Variants in CFAP299 observed in about 807,000 individuals in gnomAD.
CFAP299 encodes the protein cilia- and flagella-associated protein 299.
A neutral mutation model predicts 27.0 loss-of-function variants in CFAP299; 21 were observed. That is an observed-to-expected ratio of 0.78 (90% confidence interval 0.55 to 1.12). CFAP299 has a LOEUF of 1.12. Among genes scored for constraint, CFAP299 ranks in the 50% most tolerant of loss-of-function variants. The pLI, the probability that CFAP299 is intolerant of heterozygous loss-of-function variation, is 0.00. For missense variants in CFAP299, 310 were observed against 276.6 expected (o/e 1.12, Z -0.86); for synonymous variants, 104 against 98.1 (o/e 1.06, Z -0.36).
At chr4:80,495,238 G>A (rs1578514301) in intron 2 of CFAP299, among the ~76,000 whole-genome samples, 1 of 152,052 alleles carries the variant, frequency 6.6e-6, no homozygotes, top group African/African-American at 2.4e-5. Flanking sequence ...TATTGAATTT[G>A]GTTGAAACTC....
At chr4:80,859,593 T>A (rs573194500) in intron 3 of CFAP299, among the ~76,000 whole-genome samples, 1 of 152,298 alleles carries the variant, frequency 6.6e-6, no homozygotes, top group East Asian at 1.9e-4. Context: ...GGAACTCTTT[T>A]AGGGCAGGCC....
intron 3 of CFAP299, among the ~76,000 whole-genome samples, chr4:80,748,044 T>A (rs1412615024): frequency 6.6e-6 from 1 of 152,084 alleles, no homozygotes; most frequent in Non-Finnish European, 1.5e-5. Flanking sequence ...AAAAATGAAC[T>A]CATGAACAAC....
intron 2 of CFAP299, among the ~76,000 whole-genome samples, chr4:80,572,507 GTTTTTTTTT>G (rs550414533): frequency 3.0e-4 from 11 of 36,390 alleles, no homozygotes; most frequent in South Asian, 2.0e-3. Flanking sequence ...CTGGATCCCA[GTTTTTTTTT>G]TTTTTTTTTT....
chr4:80,576,778 G>T (rs541295596), intron 2 of CFAP299, among the ~76,000 whole-genome samples: 3 of 152,198 alleles, frequency 2.0e-5, no homozygotes, highest in East Asian at 1.9e-4. Context: ...GCACAGAGAG[G>T]TTGCATTATA....
the CFAP299 span, among the ~76,000 whole-genome samples, chr4:80,326,867 A>G: frequency 6.6e-6 from 1 of 152,230 alleles, no homozygotes; most frequent in African/African-American, 2.4e-5. Flanking sequence ...AACTTTGGGT[A>G]GTCTTTTAAA....
chr4:80,428,236 CT>C (rs1417914018), intron 2 of CFAP299, among the ~76,000 whole-genome samples: 2 of 152,088 alleles, frequency 1.3e-5, no homozygotes, highest in Admixed American at 1.3e-4. Flanking sequence ...AATGACTGTC[CT>C]TTTGTTTCTA....
At chr4:80,806,220 A>G (rs1009789496) in intron 3 of CFAP299, among the ~76,000 whole-genome samples, 2 of 152,210 alleles carry the variant, frequency 1.3e-5, no homozygotes, top group Non-Finnish European at 2.9e-5. Context: ...ATGAAGTCCT[A>G]TTAAAGGGAT....
chr4:80,579,870 T>A (rs2109867199), intron 2 of CFAP299, among the ~76,000 whole-genome samples: 1 of 152,294 alleles, frequency 6.6e-6, no homozygotes, highest in African/African-American at 2.4e-5. Context: ...ACTGATGTGA[T>A]CATTACCTTT....
the CFAP299 span, among the ~76,000 whole-genome samples, chr4:80,326,362 A>T: frequency 2.6e-5 from 4 of 152,230 alleles, no homozygotes; most frequent in African/African-American, 9.7e-5. Flanking sequence ...AGGTGGGAAT[A>T]AAAGCTAGTG....
intron 2 of CFAP299, among the ~76,000 whole-genome samples, chr4:80,467,578 CTGGGTCCCTCT>C (rs1435180049): frequency 6.6e-6 from 1 of 152,168 alleles, no homozygotes; most frequent in African/African-American, 2.4e-5. Context: ...ACAGCTTCAC[CTGGGTCCCTCT>C]TGTTCAATAT....
At chr4:80,684,675 CT>C (rs34231823) in intron 3 of CFAP299, among the ~76,000 whole-genome samples, 9 of 151,758 alleles carry the variant, frequency 5.9e-5, no homozygotes, top group African/African-American at 1.5e-4. Flanking sequence ...GTTCTAAAAT[CT>C]TTTTTTTGTT....
At chr4:80,392,885 G>A (rs1048226409) in intron 2 of CFAP299, among the ~76,000 whole-genome samples, 2 of 152,056 alleles carry the variant, frequency 1.3e-5, no homozygotes, top group African/African-American at 2.4e-5. Flanking sequence ...ATTTTAAAGT[G>A]CACTCCTTCT....
Position 80,581,970 on chromosome 4 carries a change from AT to A in CFAP299, c.243-1120del, listed in dbSNP as rs1736197148. ...ACTCTACTATCTGGACTTACTAAAT[AT>A]TTATAACAATATGTTTATTATAATG... is the stretch of plus-strand genomic sequence containing the variant. On this transcript the variant is annotated intron_variant, in intron 2 of 5. Transcript: ENST00000358105. Among the ~76,000 whole-genome samples, 17 of 151,974 alleles carry A rather than the reference AT, an allele frequency of 1.1e-4. 1 individual carries two copies. In the South Asian group the frequency reaches 3.5e-3, roughly 32 times the overall value.
chr4:80,404,195 T>A (rs1028537966), intron 2 of CFAP299, among the ~76,000 whole-genome samples: 4 of 151,994 alleles, frequency 2.6e-5, no homozygotes, highest in Non-Finnish European at 2.9e-5. Flanking sequence ...GATATAGCAA[T>A]TGTAGCAATC....
chr4:80,682,257 AGTGTCATGTG>A (rs1719889106), intron 3 of CFAP299, among the ~76,000 whole-genome samples: 1 of 152,162 alleles, frequency 6.6e-6, no homozygotes, highest in Non-Finnish European at 1.5e-5. Flanking sequence ...TCTAATCTTT[AGTGTCATGTG>A]CAACTATTAT....
intron 3 of CFAP299, among the ~76,000 whole-genome samples, chr4:80,719,792 A>G (rs918802463): frequency 5.3e-5 from 8 of 152,076 alleles, no homozygotes; most frequent in Admixed American, 4.6e-4. Context: ...CCAGCCTACC[A>G]TCACTGTACC....
intron 3 of CFAP299, among the ~76,000 whole-genome samples, chr4:80,798,202 G>T (rs1020889103): frequency 6.6e-6 from 1 of 152,102 alleles, no homozygotes; most frequent in African/African-American, 2.4e-5. Context: ...GAAGCAAACA[G>T]GGGTGTTGGG....
At chr4:80,621,750 G>A (rs1297069586) in intron 3 of CFAP299, among the ~76,000 whole-genome samples, 1 of 152,156 alleles carries the variant, frequency 6.6e-6, no homozygotes, top group Admixed American at 6.6e-5. Flanking sequence ...AATTATTACA[G>A]CATGATTAAA....
Position 80,569,876 on chromosome 4 carries a change from G to C in CFAP299, c.243-13217G>C, listed in dbSNP as rs547071628. Among the ~76,000 whole-genome samples the C allele has an allele frequency of 3.3e-5, 5 of 151,972 alleles. 1 individual carries two copies. Among genetic ancestry groups the C allele is most frequent in the Non-Finnish European group, 7.4e-5 (5 of 67,938 alleles). ...TTGGAAGCTACAGTATCATAAAGAT[G>C]TTTATTCTTTACAAATTGGAAATTC... is the stretch of plus-strand genomic sequence containing the variant. On this transcript the variant is annotated intron_variant, in intron 2 of 5. Coordinates refer to ENST00000358105, the MANE Select transcript of CFAP299 (RefSeq NM_152770.3).
Sources: allele counts gnomAD v4.1 joint callset (sites outside exome capture counted in the v4.1 genomes callset), GRCh38; gene constraint gnomAD v4.1.1; transcripts MANE v1.5; gene names NCBI Gene and HGNC (gene_info 2026-07-23, HGNC 2026-07-21).